Variants in ARHGAP12 observed in about 807,000 individuals in gnomAD.
ARHGAP12 encodes the protein Rho GTPase activating protein 12.
In ARHGAP12, 64 loss-of-function variants were observed where a neutral mutation model predicts 108.6. That is an observed-to-expected ratio of 0.59 (90% CI 0.48 to 0.73). The LOEUF (loss-of-function observed/expected upper bound fraction) is 0.73. Among genes scored for constraint, ARHGAP12 ranks in the 30% least tolerant of loss-of-function variants. The pLI is 0.00. For missense variants in ARHGAP12, 940 were observed against 1,005.9 expected, an observed-to-expected ratio of 0.93 and a Z score of 0.89; for synonymous variants, 312 against 337.2, an observed-to-expected ratio of 0.93 and a Z score of 0.82.
intron 3 of ARHGAP12, among the ~76,000 whole-genome samples, chr10:31,886,819 C>G (rs1253099940): frequency 1.3e-5 from 2 of 152,188 alleles, no homozygotes; most frequent in African/African-American, 4.8e-5. Flanking sequence ...TCTGATAAAT[C>G]AGAGTGCTTA....
intron 3 of ARHGAP12, among the ~76,000 whole-genome samples, chr10:31,891,659 A>T (rs1431704959): frequency 6.6e-6 from 1 of 152,162 alleles, no homozygotes; most frequent in Admixed American, 6.5e-5. Context: ...TCTCCCGGAT[A>T]ATATTCTGCA....
chr10:31,822,079 T>TAAA (rs536244200), intron 11 of ARHGAP12, among the ~76,000 whole-genome samples: 3 of 146,638 alleles, frequency 2.0e-5, no homozygotes, highest in African/African-American at 7.5e-5. Context: ...CATGGAATGC[T>TAAA]AAAAAAAAAA....
At chr10:31,924,278 A>G (rs1839939288) in intron 1 of ARHGAP12, among the ~76,000 whole-genome samples, 1 of 152,226 alleles carries the variant, frequency 6.6e-6, no homozygotes, top group Non-Finnish European at 1.5e-5. Flanking sequence ...CAGAAATTGA[A>G]AACTCAAAGG....
rs867039476 is a variant in ARHGAP12 at position 31,862,721 on chromosome 10, C to G, written c.685-1063G>C. On this transcript the variant is annotated intron_variant, in intron 3 of 19. Coordinates refer to ENST00000344936, the MANE Select transcript of ARHGAP12 (RefSeq NM_018287.7). ...GCACACACAGACACACACACACACA[C>G]ACACACACACACACACACACACACA... 3.6e-3 allele frequency among the ~76,000 whole-genome samples: 520 copies of G among 145,078 alleles called. 1 individual carries two copies. Among genetic ancestry groups the G allele is most frequent in the African/African-American group, 4.7e-3 (192 of 40,484 alleles).
intron 3 of ARHGAP12, among the ~76,000 whole-genome samples, chr10:31,900,718 T>C (rs1193642895): frequency 6.6e-6 from 1 of 152,194 alleles, no homozygotes; most frequent in Non-Finnish European, 1.5e-5. Context: ...ACACAGAGGA[T>C]GTTAAGGTAG....
At chr10:31,858,421 A>G (rs1280530103) in intron 4 of ARHGAP12, among the ~76,000 whole-genome samples, 1 of 152,148 alleles carries the variant, frequency 6.6e-6, no homozygotes, top group African/African-American at 2.4e-5. Flanking sequence ...TGCATAGACT[A>G]ACTACGCATG....
chr10:31,907,291 GA>G (rs1414198213), intron 3 of ARHGAP12, among the ~76,000 whole-genome samples: 5 of 151,146 alleles, frequency 3.3e-5, no homozygotes, highest in African/African-American at 1.2e-4. Context: ...CTTCACTTGA[GA>G]AATAAAATGG....
At chr10:31,881,827 T>C (rs548375135) in intron 3 of ARHGAP12, among the ~76,000 whole-genome samples, 11 of 152,180 alleles carry the variant, frequency 7.2e-5, no homozygotes, top group African/African-American at 2.6e-4. Flanking sequence ...ATAACTAGCA[T>C]ATTAAGAATA....
At chr10:31,836,970 C>T (rs1043609719) in intron 9 of ARHGAP12, among the ~76,000 whole-genome samples, 3 of 152,014 alleles carry the variant, frequency 2.0e-5, no homozygotes, top group Non-Finnish European at 4.4e-5. Context: ...ACAGAAGAAA[C>T]ATTGGCGAGG....
chr10:31,807,825 C>A lies in ARHGAP12; in HGVS notation c.2374G>T (p.Glu792Ter). Reference protein sequence around the residue: ...ILFRHLRRVIENGEKNRMTYQ... With the variant: ...ILFRHLRRVI ...GTCATTCGATTTTTCTCTCCATTTT[C>A]TATAACTCTGAAGGGAAAAAAAGAA... The change falls in exon 20 of 20, where the codon GAA (glutamate) becomes TAA (stop). Residue 792 changes from glutamate to a stop codon, truncating the protein, a stop_gained. Transcript: ENST00000344936. LOFTEE classifies it high-confidence loss of function. 2 of 1,522,206 alleles carry A rather than the reference C, an allele frequency of 1.3e-6. No individual in the cohort carries two copies. Among genetic ancestry groups the A allele is most frequent in the Non-Finnish European group, 8.8e-7 (1 of 1,135,740 alleles). The allele number at this position is 1,522,206 out of a possible 1,614,324, so 94.3% of individuals were successfully genotyped here.
chr10:31,809,205 A>G (rs779166850), intron 17 of ARHGAP12, 25 bp downstream of exon 17: 6 of 1,613,634 alleles, frequency 3.7e-6, no homozygotes, highest in East Asian at 2.2e-5. Flanking sequence ...ATGCATCTGA[A>G]TAACAACAGT....
chr10:31,818,926 G>A (rs1283441949), intron 12 of ARHGAP12, among the ~76,000 whole-genome samples: 1 of 152,022 alleles, frequency 6.6e-6, no homozygotes, highest in Non-Finnish European at 1.5e-5. Context: ...AGGAAACAGT[G>A]ACTTCTTTCA....
intron 15 of ARHGAP12, among the ~76,000 whole-genome samples, chr10:31,811,280 C>A (rs1200541196): frequency 1.3e-5 from 2 of 152,186 alleles, no homozygotes; most frequent in African/African-American, 2.4e-5. Flanking sequence ...TTAGTAAATA[C>A]TTGATTATTT....
intron 1 of ARHGAP12, among the ~76,000 whole-genome samples, chr10:31,912,128 A>T (rs1228364777): frequency 1.3e-5 from 2 of 152,216 alleles, no homozygotes; most frequent in Non-Finnish European, 2.9e-5. Context: ...ATGTGCTTTG[A>T]TCATTTACCT....
chr10:31,808,095 T>C (rs1434115563), intron 19 of ARHGAP12, among the ~76,000 whole-genome samples: 1 of 152,132 alleles, frequency 6.6e-6, no homozygotes, highest in Non-Finnish European at 1.5e-5. Flanking sequence ...GTTTTTAAAA[T>C]AGAACATTTA....
chr10:31,902,617 G>A (rs1592361481), intron 3 of ARHGAP12, among the ~76,000 whole-genome samples: 1 of 118,206 alleles, frequency 8.5e-6, no homozygotes, highest in Non-Finnish European at 2.1e-5. Context: ...GTTCTAATGA[G>A]CTACAATCGT....
In ARHGAP12 at chr10:31,908,696, T is replaced by G. The variant is rs1171677886; in HGVS notation, c.160A>C (p.Lys54Gln). Reference sequence around the variant, plus strand: ...AACGCTTTGGAGTTTTCATCTGGCTTGACTTGCCACCAGTCATCATTGGTC... The same window carrying G: ...AACGCTTTGGAGTTTTCATCTGGCTGGACTTGCCACCAGTCATCATTGGTC... ...KKTNDDWWQV[K>Q]PDENSKAFYV... Residue 54 changes from lysine (K) to glutamine (Q), a missense_variant, in exon 3 of 20, where the codon AAG becomes CAG. Lys to Gln is a moderately conservative substitution (Grantham distance 53). Transcript: ENST00000344936. The G allele has an allele frequency of 1.2e-6, 2 of 1,614,162 alleles. No homozygotes were observed. The highest frequency in any genetic ancestry group is 1.7e-6 in the Non-Finnish European group (2 of 1,180,026).
At chr10:31,913,555 G>T in intron 1 of ARHGAP12, 1 of 172,590 alleles carries the variant, frequency 5.8e-6, no homozygotes, top group South Asian at 1.5e-4. Context: ...GCAACCTTAT[G>T]GAAAGATGGC....
At chr10:31,906,877 G>A (rs1214747100) in intron 3 of ARHGAP12, among the ~76,000 whole-genome samples, 3 of 152,152 alleles carry the variant, frequency 2.0e-5, no homozygotes, top group Admixed American at 1.3e-4. Context: ...AGTTCCCTGA[G>A]GAGCTAAATA....
Sources: gnomAD v4.1 joint callset for allele counts (sites outside exome capture counted in the v4.1 genomes callset) on GRCh38, gnomAD v4.1.1 for gene constraint, MANE v1.5 for transcripts, NCBI Gene and HGNC (gene_info 2026-07-23, HGNC 2026-07-21) for gene names.